SORCS2: variants seen among roughly 807,000 people sequenced by gnomAD.
SORCS2 encodes the protein sortilin related VPS10 domain containing receptor 2.
SORCS2 carries 100 observed loss-of-function variants against 141.6 expected under a neutral mutation model. The observed-to-expected ratio is 0.71, with a 90% CI of 0.60 to 0.83. The LOEUF (loss-of-function observed/expected upper bound fraction) is 0.83. Ranked by LOEUF, SORCS2 falls within the 40% of genes least tolerant of loss-of-function variation. The pLI is 0.00. For missense variants in SORCS2, 1,646 were observed against 1,560.2 expected, an observed-to-expected ratio of 1.05 and a Z score of -0.93; for synonymous variants, 789 against 676.9, an observed-to-expected ratio of 1.17 and a Z score of -2.57.
intron 1 of SORCS2, among the ~76,000 whole-genome samples, chr4:7,318,606 A>T (rs1485646315): frequency 6.6e-6 from 1 of 152,150 alleles, no homozygotes; most frequent in African/African-American, 2.4e-5. Context: ...GAAAGATTAA[A>T]CGAGCTAAGC....
chr4:7,652,509 G>C (rs934631436), intron 4 of SORCS2, among the ~76,000 whole-genome samples: 3 of 151,906 alleles, frequency 2.0e-5, no homozygotes, highest in Non-Finnish European at 4.4e-5. Flanking sequence ...CCCCGACCCC[G>C]CCCACTCCTC....
intron 2 of SORCS2, among the ~76,000 whole-genome samples, chr4:7,411,050 G>A (rs1414929687): frequency 2.8e-5 from 4 of 145,054 alleles, no homozygotes; most frequent in African/African-American, 1.0e-4. Flanking sequence ...CTGCCTCCCG[G>A]GTTCAAGCGA....
At chr4:7,411,582 C>T (rs1328237943) in intron 2 of SORCS2, among the ~76,000 whole-genome samples, 8 of 152,108 alleles carry the variant, frequency 5.3e-5, no homozygotes, top group Non-Finnish European at 7.4e-5. Context: ...TTCATTCACT[C>T]ATCCATCATC....
chr4:7,233,654 T>C lies in SORCS2; in HGVS notation c.480+40528T>C, dbSNP rs1260432918. 6.6e-6 allele frequency among the ~76,000 whole-genome samples: 1 copy of C among 152,038 alleles called. No homozygotes were observed. Among genetic ancestry groups the C allele is most frequent in the South Asian group, 2.1e-4 (1 of 4,814 alleles). On this transcript the variant is annotated intron_variant, in intron 1 of 26. Transcript: ENST00000507866. This position sits in a 1 kb window ranked among gnomAD's most constrained non-coding sequence, Gnocchi z 4.5. ...GGTGGGACGTTCTAAGGTCCCCAGG[T>C]AATACTGGCCTGGTCCCCCGTCTGA...
chr4:7,278,091 G>C (rs944547091), intron 1 of SORCS2, among the ~76,000 whole-genome samples: 1 of 152,206 alleles, frequency 6.6e-6, no homozygotes, highest in Non-Finnish European at 1.5e-5. Context: ...CAGAGCAGCA[G>C]CAGAGCCAGG....
At chr4:7,689,685 C>A (rs1724094459) in intron 11 of SORCS2, 97 bp downstream of exon 11, 3 of 1,158,234 alleles carry the variant, frequency 2.6e-6, no homozygotes, top group Admixed American at 2.3e-5. Context: ...GAGCCTGAGG[C>A]CATAGTATGT....
intron 1 of SORCS2, among the ~76,000 whole-genome samples, chr4:7,223,295 G>GCACA (rs10553971): frequency 0.12 from 15,560 of 129,644 alleles, 950 homozygotes; most frequent in African/African-American, 0.19. Flanking sequence ...GTGTATATGC[G>GCACA]CACACACACA....
At chr4:7,343,241 C>T (rs1720465106) in intron 1 of SORCS2, among the ~76,000 whole-genome samples, 2 of 152,200 alleles carry the variant, frequency 1.3e-5, no homozygotes, top group South Asian at 4.1e-4. Context: ...CACAAGGGCC[C>T]ATACCACATC....
At chr4:7,276,564 C>T (rs959999258) in intron 1 of SORCS2, among the ~76,000 whole-genome samples, 4 of 152,146 alleles carry the variant, frequency 2.6e-5, no homozygotes, top group African/African-American at 9.7e-5. Context: ...CCGCTTCCTG[C>T]CTCCCCCGCT....
chr4:7,656,188 C>T (rs991071721), intron 5 of SORCS2, among the ~76,000 whole-genome samples: 5 of 152,236 alleles, frequency 3.3e-5, no homozygotes, highest in East Asian at 1.9e-4. Context: ...GACTCATTAA[C>T]GTTTTGTGAA....
rs190999924 is a variant in SORCS2, at chr4:7,704,780, G to A, written c.1868+496G>A. 1.9e-3 allele frequency among the ~76,000 whole-genome samples: 284 copies of A among 152,314 alleles called. 1 individual carries two copies. The highest frequency in any genetic ancestry group is 5.7e-3 in the African/African-American group (236 of 41,574). ...GACGCTTAGGACAGTGGGGACATGC[G>A]GCGTTCGACTGCACCGCTGCGGCCG... On this transcript the variant is annotated intron_variant, in intron 14 of 26. Coordinates refer to ENST00000507866, the MANE Select transcript of SORCS2 (RefSeq NM_020777.3).
chr4:7,626,394 G>A (rs1213672448), intron 3 of SORCS2, among the ~76,000 whole-genome samples: 1 of 151,974 alleles, frequency 6.6e-6, no homozygotes, highest in Non-Finnish European at 1.5e-5. Flanking sequence ...TCATTCCATA[G>A]GTGTTTCACA....
At chr4:7,380,172 G>T (rs1251840756) in intron 1 of SORCS2, among the ~76,000 whole-genome samples, 2 of 152,216 alleles carry the variant, frequency 1.3e-5, no homozygotes, top group East Asian at 3.9e-4. Context: ...CTCAGCCCCA[G>T]CCTGGGGTTT....
intron 10 of SORCS2, among the ~76,000 whole-genome samples, chr4:7,683,314 T>A (rs34171648): frequency 1.4e-5 from 1 of 72,430 alleles, no homozygotes; most frequent in Non-Finnish European, 2.7e-5. Context: ...CTCAGCTGAG[T>A]GGCTCTGCTG....
chr4:7,640,164 ATG>A lies in SORCS2; in HGVS notation c.813+1677_813+1678del, dbSNP rs1227300245. Among the ~76,000 whole-genome samples the A allele has an allele frequency of 5.0e-5, 7 of 139,998 alleles. No individual in the cohort carries two copies. The Admixed American group carries it at 5.3e-4, about 11-fold the overall frequency. 91.8% of individuals were successfully genotyped at this position (139,998 alleles called of 152,430 possible). ...ACATGAGTGTGTGGTGTGTATGGGC[ATG>A]TGTGGGTGAGTGTGAGAGCCTATGT... On this transcript the variant is annotated intron_variant, in intron 4 of 26. Coordinates refer to ENST00000507866, the MANE Select transcript of SORCS2 (RefSeq NM_020777.3).
chr4:7,403,961 G>GTGTATATATATATATATATATATA (rs1260939310), intron 2 of SORCS2, among the ~76,000 whole-genome samples: 2 of 29,892 alleles, frequency 6.7e-5, no homozygotes, highest in East Asian at 8.6e-4. Flanking sequence ...CTCCATGTGT[G>GTGTATATATATATATATATATATA]TATATATATA....
chr4:7,302,238 G>T (rs1236757399), intron 1 of SORCS2, among the ~76,000 whole-genome samples: 1 of 152,256 alleles, frequency 6.6e-6, no homozygotes, highest in Non-Finnish European at 1.5e-5. Flanking sequence ...TTGCAGGGAT[G>T]CCAGGTGCAG....
chr4:7,421,698 C>T (rs1007770834), intron 2 of SORCS2, among the ~76,000 whole-genome samples: 1 of 152,168 alleles, frequency 6.6e-6, no homozygotes, highest in African/African-American at 2.4e-5. Flanking sequence ...TGTGCACAGG[C>T]TCGGCCCTGG....
intron 11 of SORCS2, among the ~76,000 whole-genome samples, chr4:7,693,650 G>T (rs1464551399): frequency 6.6e-6 from 1 of 152,244 alleles, no homozygotes; most frequent in Non-Finnish European, 1.5e-5. Flanking sequence ...CCTGGCAGAG[G>T]TGATGGTAGC....
Sources: allele counts gnomAD v4.1 joint callset (sites outside exome capture counted in the v4.1 genomes callset), GRCh38; gene constraint gnomAD v4.1.1; non-coding constraint Gnocchi (gnomAD v3.1); transcripts MANE v1.5; gene names NCBI Gene and HGNC (gene_info 2026-07-23, HGNC 2026-07-21).